Variants in ECRG4 observed in about 807,000 individuals in gnomAD.
The protein encoded by ECRG4 is augurin.
In ECRG4, 18 loss-of-function variants were observed where a neutral mutation model predicts 15.8. The observed-to-expected ratio is 1.14, with a 90% CI of 0.79 to 1.69. The LOEUF (loss-of-function observed/expected upper bound fraction) is 1.69. Ranked by LOEUF, ECRG4 falls within the 40% of genes most tolerant of loss-of-function variation. ECRG4 has a pLI of 0.00. For synonymous variants in ECRG4, 82 were observed against 73.9 expected (o/e 1.11, Z -0.56); for missense variants, 200 against 190.9 (o/e 1.05, Z -0.28).
At chr2:106,071,557 C>T (rs1029345025) in intron 1 of ECRG4, among the ~76,000 whole-genome samples, 1 of 152,094 alleles carries the variant, frequency 6.6e-6, no homozygotes, top group Non-Finnish European at 1.5e-5. Context: ...CAGATGGCTG[C>T]GCCTCGTAGT....
chr2:106,071,879 C>G lies in ECRG4; in HGVS notation c.115C>G (p.Gln39Glu). The change falls in exon 2 of 4, where the codon CAA becomes GAA. Residue 39 changes from glutamine to glutamate, a missense_variant. By Grantham distance (29) the Gln-to-Glu change is conservative. Coordinates refer to ENST00000238044, the MANE Select transcript of ECRG4 (RefSeq NM_032411.3). Reference protein sequence around the residue: ...ISGNKLKLMLQKREAPVPTKT... With the variant: ...ISGNKLKLMLEKREAPVPTKT... ...TGGAAATAAACTCAAGCTGATGCTTCAAAAACGAGAAGGTAAATATACCCC... is the reference window on the plus strand; with the variant it reads ...TGGAAATAAACTCAAGCTGATGCTTGAAAAACGAGAAGGTAAATATACCCC... 1 of 1,613,454 alleles carries G rather than the reference C, an allele frequency of 6.2e-7. No homozygotes were observed. The highest frequency in any genetic ancestry group is 8.5e-7 in the Non-Finnish European group (1 of 1,179,518).
At chr2:106,069,319 T>TTCTC (rs1169560519) in intron 1 of ECRG4, among the ~76,000 whole-genome samples, 1 of 150,248 alleles carries the variant, frequency 6.7e-6, no homozygotes, top group Non-Finnish European at 1.5e-5. Context: ...CCTTCTTTCT[T>TTCTC]TCTCTCTCTC....
chr2:106,077,742 T>G, intron 3 of ECRG4, 23 bp from the exon 4 acceptor site: 1 of 1,611,176 alleles, frequency 6.2e-7, no homozygotes, highest in Middle Eastern at 1.7e-4. Context: ...CCATTCTCTA[T>G]CATTCTCTCT....
chr2:106,069,089 TC>T, intron 1 of ECRG4, among the ~76,000 whole-genome samples: 1 of 139,972 alleles, frequency 7.1e-6, no homozygotes. Context: ...GTTTCCTTCC[TC>T]CCTTCCTTCC....
At chr2:106,076,440 T>C (rs1676488309) in intron 3 of ECRG4, among the ~76,000 whole-genome samples, 1 of 152,118 alleles carries the variant, frequency 6.6e-6, no homozygotes, top group East Asian at 1.9e-4. Flanking sequence ...AAGAAGTCGG[T>C]GTCCTCCTTC....
chr2:106,075,856 A>T (rs1676477392), intron 3 of ECRG4, among the ~76,000 whole-genome samples: 1 of 152,248 alleles, frequency 6.6e-6, no homozygotes, highest in South Asian at 2.1e-4. Context: ...CAATGACTAC[A>T]TCCAAGTGTC....
rs185690434 is a variant in ECRG4, at chr2:106,066,048, G to T, written c.79+205G>T. 2.7e-3 allele frequency among the ~76,000 whole-genome samples: 418 copies of T among 152,372 alleles called. 4 individuals are homozygous for T. Among genetic ancestry groups the T allele is most frequent in the Non-Finnish European group, 4.6e-3 (312 of 68,032 alleles). On this transcript the variant is annotated intron_variant, in intron 1 of 3. Coordinates refer to ENST00000238044, the MANE Select transcript of ECRG4 (RefSeq NM_032411.3). Reference sequence around the variant, plus strand: ...TGCGAAGTGGTGCCCTTGTGAGGGTGGAGAGAGTACCGGGGTCAAGGGGAG... The same window carrying T: ...TGCGAAGTGGTGCCCTTGTGAGGGTTGAGAGAGTACCGGGGTCAAGGGGAG...
intron 1 of ECRG4, among the ~76,000 whole-genome samples, chr2:106,069,119 TTCTTCCTTTC>T (rs1396419228): frequency 1.3e-5 from 1 of 77,492 alleles, no homozygotes; most frequent in Non-Finnish European, 3.0e-5. Context: ...TTCTTTTTCT[TTCTTCCTTTC>T]TCTTTCTTTC....
chr2:106,069,304 TCC>T lies in ECRG4; in HGVS notation c.80-2539_80-2538del, dbSNP rs1161199063. ...TTTTCTCTTTCTTTCTTTCCTTCCT[TCC>T]TTCCTTCTTTCTTTCTCTCTCTCTT... On this transcript the variant is annotated intron_variant, in intron 1 of 3. Coordinates refer to ENST00000238044, the MANE Select transcript of ECRG4 (RefSeq NM_032411.3). Among the ~76,000 whole-genome samples the T allele has an allele frequency of 4.5e-3, 673 of 150,604 alleles. 22 individuals are homozygous for T. The highest frequency in any genetic ancestry group is 0.038 in the Admixed American group (565 of 14,990).
intron 1 of ECRG4, among the ~76,000 whole-genome samples, chr2:106,068,508 C>T (rs1676271482): frequency 6.6e-6 from 1 of 152,138 alleles, no homozygotes; most frequent in African/African-American, 2.4e-5. Context: ...TGTGCTTTTC[C>T]ATCTATAGCT....
chr2:106,074,157 G>A (rs1367589708), intron 3 of ECRG4, 114 bp downstream of exon 3: 2 of 1,240,048 alleles, frequency 1.6e-6, no homozygotes, highest in African/African-American at 3.0e-5. Context: ...CATTCCTAGA[G>A]TAAGAGCCCC....
intron 1 of ECRG4, among the ~76,000 whole-genome samples, chr2:106,066,820 G>C (rs990706063): frequency 2.6e-5 from 4 of 152,104 alleles, no homozygotes; most frequent in Non-Finnish European, 4.4e-5. Context: ...GAAGAGGCAG[G>C]GGACATTCAG....
intron 3 of ECRG4, among the ~76,000 whole-genome samples, chr2:106,075,516 G>A (rs764025738): frequency 1.3e-5 from 2 of 152,192 alleles, no homozygotes; most frequent in East Asian, 3.9e-4. Context: ...GAGGTCAGGA[G>A]TTCAAGACCA....
intron 2 of ECRG4, among the ~76,000 whole-genome samples, chr2:106,072,800 CT>C (rs1048113334): frequency 6.6e-6 from 1 of 152,238 alleles, no homozygotes; most frequent in African/African-American, 2.4e-5. Context: ...CCTCCCTGTG[CT>C]GTGTGGTGGC....
At chr2:106,066,904 G>T (rs1003892638) in intron 1 of ECRG4, among the ~76,000 whole-genome samples, 1 of 151,964 alleles carries the variant, frequency 6.6e-6, no homozygotes, top group African/African-American at 2.4e-5. Flanking sequence ...AGGTGGGGAG[G>T]ATTATTGTTC....
intron 1 of ECRG4, among the ~76,000 whole-genome samples, chr2:106,069,471 C>CT (rs1402945091): frequency 4.0e-5 from 6 of 151,792 alleles, no homozygotes; most frequent in Admixed American, 2.6e-4. Flanking sequence ...GTAGCTGGGA[C>CT]TACAGGCATG....
chr2:106,073,949 G>A lies in ECRG4; in HGVS notation c.191G>A (p.Ser64Asn). The change falls in exon 3 of 4, where the codon AGC (serine) becomes AAC (asparagine). Residue 64 changes from serine to asparagine, a missense_variant. Physicochemically the swap from Ser to Asn is conservative, Grantham distance 46. Transcript: ENST00000238044. ...AATAAAGCCAAAGAATTCCTTGGCA[G>A]CCTGAAGCGCCAGAAGCGGCAGCTG... ...DENKAKEFLG[S>N]LKRQKRQLWD... 1 of 1,614,228 alleles carries A rather than the reference G, an allele frequency of 6.2e-7. No individual in the cohort carries two copies. The highest frequency in any genetic ancestry group is 8.5e-7 in the Non-Finnish European group (1 of 1,180,038).
intron 2 of ECRG4, 194 bp from the exon 3 acceptor site, chr2:106,073,692 C>A: frequency 2.9e-6 from 2 of 680,118 alleles, no homozygotes; most frequent in Non-Finnish European, 2.6e-6. Context: ...TACCAAATAA[C>A]ACTTACTAAC....
chr2:106,077,843 C>A lies in ECRG4; in HGVS notation c.364C>A (p.His122Asn). 1 of 1,614,130 alleles carries A rather than the reference C, an allele frequency of 6.2e-7. No individual in the cohort carries two copies. Among genetic ancestry groups the A allele is most frequent in the East Asian group, 2.2e-5 (1 of 44,864 alleles). ...HEYYGDYYQR[H>N]YDEDSAIGPR... The stretch of plus-strand genomic sequence containing the variant: ...ATACTATGGCGATTACTACCAACGT[C>A]ACTATGATGAAGACTCTGCAATTGG... Residue 122 changes from histidine (H) to asparagine (N), a missense_variant, in exon 4 of 4, where the codon CAC becomes AAC. His to Asn is a moderately conservative substitution (Grantham distance 68). Coordinates refer to ENST00000238044, the MANE Select transcript of ECRG4 (RefSeq NM_032411.3).
Sources: allele counts gnomAD v4.1 joint callset (sites outside exome capture counted in the v4.1 genomes callset), GRCh38; gene constraint gnomAD v4.1.1; transcripts MANE v1.5; gene names NCBI Gene and HGNC (gene_info 2026-07-23, HGNC 2026-07-21).